Variants in CDH23 observed in about 807,000 individuals in gnomAD.
The protein encoded by CDH23 is cadherin-23.
A neutral mutation model predicts 317.1 loss-of-function variants in CDH23; 189 were observed. That is an observed-to-expected ratio of 0.60 (90% CI 0.53 to 0.67). The LOEUF (loss-of-function observed/expected upper bound fraction) is 0.67. Among genes scored for constraint, CDH23 ranks in the 30% least tolerant of loss-of-function variants. The pLI is 0.00. For synonymous variants in CDH23, 1,839 were observed against 1,876.8 expected, an observed-to-expected ratio of 0.98 and a Z score of 0.52; for missense variants, 4,401 against 4,592.4, an observed-to-expected ratio of 0.96 and a Z score of 1.20.
chr10:71,588,135 C>T (rs1388983299), intron 9 of CDH23, among the ~76,000 whole-genome samples: 1 of 152,194 alleles, frequency 6.6e-6, no homozygotes, highest in Non-Finnish European at 1.5e-5. Context: ...GTTCTAGTTA[C>T]TCAGCCCATC....
In CDH23 at chr10:71,740,831, T is replaced by A. The variant is rs375641853; in HGVS notation, c.4498T>A (p.Ser1500Thr). Residue 1500 changes from serine to threonine, a missense_variant, in exon 37 of 70, where the codon TCT becomes ACT. Ser to Thr is a moderately conservative substitution (Grantham distance 58). Coordinates refer to ENST00000224721, the MANE Select transcript of CDH23 (RefSeq NM_022124.6). Reference protein sequence around the residue: ...LDHYILQVVASDRGTPPRKKD... With the variant: ...LDHYILQVVATDRGTPPRKKD... ...GCCCTCCTCCTTGCAGGTTGTGGCTTCTGACCGAGGCACCCCTCCACGGAA... is the reference window on the plus strand; with the variant it reads ...GCCCTCCTCCTTGCAGGTTGTGGCTACTGACCGAGGCACCCCTCCACGGAA... 53 of 1,613,794 alleles carry A rather than the reference T, an allele frequency of 3.3e-5. No individual in the cohort carries two copies. The African/African-American group carries it at 6.5e-4, about 20-fold the overall frequency.
At chr10:71,480,600 AG>A (rs899242062) in intron 3 of CDH23, among the ~76,000 whole-genome samples, 3 of 152,140 alleles carry the variant, frequency 2.0e-5, no homozygotes, top group African/African-American at 7.2e-5. Context: ...AGAGGAACAA[AG>A]GTATGAAGGC....
At chr10:71,715,993 C>G in intron 28 of CDH23, 1 of 1,497,010 alleles carries the variant, frequency 6.7e-7, no homozygotes, top group Non-Finnish European at 8.9e-7. Flanking sequence ...CGGGGCCCGG[C>G]AGGGGCTGTC....
At chr10:71,461,580 T>A (rs1388231822) in intron 3 of CDH23, among the ~76,000 whole-genome samples, 1 of 152,214 alleles carries the variant, frequency 6.6e-6, no homozygotes, top group Non-Finnish European at 1.5e-5. Context: ...CCTTCTGTCA[T>A]CTTTTGCACG....
intron 3 of CDH23, among the ~76,000 whole-genome samples, chr10:71,507,848 TA>T (rs1357360884): frequency 6.6e-6 from 1 of 152,242 alleles, no homozygotes; most frequent in Non-Finnish European, 1.5e-5. Flanking sequence ...TTACACCGTC[TA>T]GAAAGAGCAA....
At chr10:71,682,032 C>A (rs1286708859) in intron 17 of CDH23, among the ~76,000 whole-genome samples, 1 of 151,762 alleles carries the variant, frequency 6.6e-6, no homozygotes, top group African/African-American at 2.4e-5. Flanking sequence ...CATAAAGTGC[C>A]AGATGAGTGA....
At chr10:71,690,797 C>T (rs781562033) in intron 20 of CDH23, among the ~76,000 whole-genome samples, 2 of 152,228 alleles carry the variant, frequency 1.3e-5, no homozygotes, top group Admixed American at 6.5e-5. Context: ...CAGTGAAGGA[C>T]GTCTTTCAAG....
intron 1 of CDH23, among the ~76,000 whole-genome samples, chr10:71,418,742 C>T (rs1848631248): frequency 6.6e-6 from 1 of 152,194 alleles, no homozygotes; most frequent in Admixed American, 6.5e-5. Context: ...TTTCTAGTCT[C>T]ATGGAGATTG....
chr10:71,673,786 A>G (rs1325133381), intron 14 of CDH23, among the ~76,000 whole-genome samples: 1 of 152,148 alleles, frequency 6.6e-6, no homozygotes, highest in Non-Finnish European at 1.5e-5. Context: ...GTGAGGGTGA[A>G]GGGGTTGTAG....
intron 11 of CDH23, 127 bp downstream of exon 11, chr10:71,617,520 T>G: frequency 1.3e-6 from 2 of 1,508,030 alleles, no homozygotes; most frequent in Non-Finnish European, 1.8e-6. Context: ...CCTGGTAGGT[T>G]CTGAGGATAA....
At chr10:71,714,482 C>A (rs1462207551) in intron 28 of CDH23, 1 of 152,190 alleles carries the variant, frequency 6.6e-6, no homozygotes, top group African/African-American at 2.4e-5. Flanking sequence ...CTTTTCCTCC[C>A]CAAGAGAGGT....
intron 11 of CDH23, 162 bp downstream of exon 11, chr10:71,617,555 G>T: frequency 6.8e-7 from 1 of 1,474,972 alleles, no homozygotes; most frequent in Non-Finnish European, 9.0e-7. Context: ...AAAATCACTA[G>T]TCTCTACTTT....
intron 42 of CDH23, 40 bp downstream of exon 42, chr10:71,784,460 C>T (rs1170988702): frequency 6.3e-7 from 1 of 1,595,784 alleles, no homozygotes; most frequent in Non-Finnish European, 8.5e-7. Flanking sequence ...CACCTCGCTG[C>T]CCCTGTACTT....
Position 71,400,285 on chromosome 10 carries a change from G to A in CDH23, c.-6+2967G>A, listed in dbSNP as rs749308777. Among the ~76,000 whole-genome samples the A allele has an allele frequency of 9.9e-5, 15 of 152,268 alleles. 1 individual carries two copies. The South Asian group carries it at 1.0e-3, about 11-fold the overall frequency. On this transcript the variant is annotated intron_variant, in intron 1 of 69. Coordinates refer to ENST00000224721, the MANE Select transcript of CDH23 (RefSeq NM_022124.6). ...TTTGGATCAGAGGCCTGGTGTAGCC[G>A]ATGGTGTCACAGGTGAAAGGTCATC... is the stretch of plus-strand genomic sequence containing the variant.
At chr10:71,673,685 T>C (rs1302769956) in intron 14 of CDH23, among the ~76,000 whole-genome samples, 2 of 152,218 alleles carry the variant, frequency 1.3e-5, no homozygotes, top group Non-Finnish European at 2.9e-5. Flanking sequence ...TGTGAAGCCT[T>C]GAGTGAACGA....
rs1862004725 is a variant in CDH23 at position 71,631,314 on chromosome 10, C to T, written c.1135-12547C>T. Among the ~76,000 whole-genome samples the T allele has an allele frequency of 2.0e-5, 3 of 152,172 alleles. 1 individual carries two copies. The South Asian group carries it at 6.2e-4, about 32-fold the overall frequency. ...ACTTGGGAAAGGGATGTGGATAGAG[C>T]AGAAAGGAGACTGGGGACTGGGCAG... On this transcript the variant is annotated intron_variant, in intron 11 of 69. Transcript: ENST00000224721.
intron 14 of CDH23, among the ~76,000 whole-genome samples, chr10:71,649,712 G>T (rs758006588): frequency 4.6e-4 from 70 of 152,344 alleles, no homozygotes; most frequent in Non-Finnish European, 6.9e-4. Flanking sequence ...TATGTATACA[G>T]GGGTTTTGCA....
At chr10:71,482,930 C>T (rs1030772074) in intron 3 of CDH23, among the ~76,000 whole-genome samples, 1 of 152,196 alleles carries the variant, frequency 6.6e-6, no homozygotes, top group African/African-American at 2.4e-5. Context: ...ATCTGTAGAG[C>T]AGTTTTTCTC....
chr10:71,705,155 T>G (rs762755844), intron 25 of CDH23, 25 bp downstream of exon 25: 3 of 1,592,746 alleles, frequency 1.9e-6, no homozygotes, highest in Non-Finnish European at 2.6e-6. Flanking sequence ...GGGCTTCTGC[T>G]GTGTGCTCAG....
Sources: gnomAD v4.1 joint callset for allele counts (sites outside exome capture counted in the v4.1 genomes callset) on GRCh38, gnomAD v4.1.1 for gene constraint, MANE v1.5 for transcripts, NCBI Gene and HGNC (gene_info 2026-07-23, HGNC 2026-07-21) for gene names.